Variants in PARD3 observed in about 807,000 individuals in gnomAD.
PARD3 encodes partitioning defective 3 homolog.
PARD3 carries 75 observed loss-of-function variants against 155.4 expected under a neutral mutation model. The ratio of observed to expected loss-of-function variants is 0.48; its 90% confidence interval spans 0.40 to 0.58. The LOEUF (loss-of-function observed/expected upper bound fraction) is 0.58. Among genes scored for constraint, PARD3 ranks in the 20% least tolerant of loss-of-function variants. The pLI is 0.00. For synonymous variants in PARD3, 576 were observed against 610.5 expected, an observed-to-expected ratio of 0.94 and a Z score of 0.83; for missense variants, 1,642 against 1,721.7, an observed-to-expected ratio of 0.95 and a Z score of 0.82.
rs575274071 is a variant in PARD3 at position 34,698,261 on chromosome 10, C to A, written c.121-1842G>T. The stretch of plus-strand genomic sequence containing the variant: ...CCTTTATATAATATTTGTAGCCACC[C>A]CTTGGAAATAAATCCGCACCTATGG... On this transcript the variant is annotated intron_variant, in intron 1 of 24. Transcript: ENST00000374788. Among the ~76,000 whole-genome samples the A allele has an allele frequency of 3.3e-5, 5 of 152,308 alleles. No homozygotes were observed. In the South Asian group the frequency reaches 6.2e-4, roughly 19 times the overall value.
intron 2 of PARD3, among the ~76,000 whole-genome samples, chr10:34,634,311 TAC>T (rs1430042825): frequency 5.9e-5 from 9 of 152,152 alleles, no homozygotes; most frequent in African/African-American, 2.2e-4. Flanking sequence ...GGCAGAACAG[TAC>T]GTATAGCGGG....
At chr10:34,645,339 G>A (rs2092805818) in intron 2 of PARD3, among the ~76,000 whole-genome samples, 2 of 151,868 alleles carry the variant, frequency 1.3e-5, no homozygotes, top group South Asian at 4.2e-4. Flanking sequence ...CCCAGTAGCT[G>A]GAATTACAGG....
chr10:34,376,259 C>T (rs1036570301), intron 10 of PARD3, among the ~76,000 whole-genome samples: 6 of 152,038 alleles, frequency 3.9e-5, no homozygotes, highest in Non-Finnish European at 8.8e-5. Flanking sequence ...AAGCCTAACT[C>T]GAAAGACATG....
intron 2 of PARD3, among the ~76,000 whole-genome samples, chr10:34,638,698 G>A (rs1296266984): frequency 1.3e-5 from 2 of 152,032 alleles, no homozygotes; most frequent in African/African-American, 4.8e-5. Context: ...CCATTTCTGG[G>A]TATTTTGAAA....
rs182547062 is a variant in PARD3 at position 34,379,760 on chromosome 10, C to T, written c.1400-1654G>A. On this transcript the variant is annotated intron_variant, in intron 9 of 24. Transcript: ENST00000374788. ...ACTGAAACAGATTACTGACCTTCTCCTCTGACTTTATTAAAAAGCTAATTT... is the reference window on the plus strand; with the variant it reads ...ACTGAAACAGATTACTGACCTTCTCTTCTGACTTTATTAAAAAGCTAATTT... 2.6e-5 allele frequency among the ~76,000 whole-genome samples: 4 copies of T among 152,178 alleles called. No homozygotes were observed. The East Asian group carries it at 7.7e-4, about 29-fold the overall frequency.
At chr10:34,660,234 C>G (rs1290920731) in intron 2 of PARD3, among the ~76,000 whole-genome samples, 4 of 152,112 alleles carry the variant, frequency 2.6e-5, no homozygotes, top group African/African-American at 9.7e-5. Flanking sequence ...TCTCCCAACT[C>G]CAATTATTGG....
chr10:34,640,776 C>G (rs1303724305), intron 2 of PARD3, among the ~76,000 whole-genome samples: 1 of 128,628 alleles, frequency 7.8e-6, no homozygotes, highest in Non-Finnish European at 1.6e-5. Context: ...CCTATCCAAA[C>G]TTTAAATGCA....
intron 2 of PARD3, among the ~76,000 whole-genome samples, chr10:34,536,939 T>G (rs879887508): frequency 6.6e-6 from 1 of 152,186 alleles, no homozygotes; most frequent in Non-Finnish European, 1.5e-5. Context: ...AAAGAAAAAT[T>G]AGGGCTTCAG....
At chr10:34,458,147 G>A (rs2077433853) in intron 4 of PARD3, among the ~76,000 whole-genome samples, 1 of 151,928 alleles carries the variant, frequency 6.6e-6, no homozygotes, top group Non-Finnish European at 1.5e-5. Flanking sequence ...GTAAAATGTT[G>A]GCTTTAAAAT....
intron 1 of PARD3, among the ~76,000 whole-genome samples, chr10:34,711,744 T>C (rs980586918): frequency 6.6e-6 from 1 of 152,060 alleles, no homozygotes; most frequent in Non-Finnish European, 1.5e-5. Context: ...ACACAAGAGT[T>C]TCTAGGAGAA....
chr10:34,173,163 G>A (rs903022461), intron 22 of PARD3, among the ~76,000 whole-genome samples: 8 of 152,142 alleles, frequency 5.3e-5, no homozygotes, highest in African/African-American at 1.9e-4. Context: ...ATCTCTGTGC[G>A]GGTATCGGCT....
chr10:34,223,062 C>T (rs11009685), intron 22 of PARD3, among the ~76,000 whole-genome samples: 47,939 of 151,978 alleles, frequency 0.32, 9,885 homozygotes, highest in African/African-American at 0.58. Flanking sequence ...GTAAGTCCCA[C>T]AGTTGGAAGA....
At chr10:34,471,138 G>C (rs1325363682) in intron 3 of PARD3, among the ~76,000 whole-genome samples, 2 of 152,112 alleles carry the variant, frequency 1.3e-5, no homozygotes, top group Non-Finnish European at 2.9e-5. Context: ...TTATACTTAA[G>C]ACAGAAAATA....
intron 2 of PARD3, among the ~76,000 whole-genome samples, chr10:34,649,196 G>A (rs1338958978): frequency 6.6e-6 from 1 of 152,208 alleles, no homozygotes; most frequent in Non-Finnish European, 1.5e-5. Flanking sequence ...TGTAATCTCA[G>A]CACTTCGGGA....
intron 2 of PARD3, among the ~76,000 whole-genome samples, chr10:34,557,464 C>T (rs2085093874): frequency 6.6e-6 from 1 of 152,014 alleles, no homozygotes; most frequent in Non-Finnish European, 1.5e-5. Flanking sequence ...CAGAGAGAGT[C>T]CCATCCCTAC....
Position 34,423,215 on chromosome 10 carries a change from C to T in PARD3, c.715-21298G>A, listed in dbSNP as rs555771811. Among the ~76,000 whole-genome samples the T allele has an allele frequency of 3.9e-5, 6 of 152,104 alleles. No individual in the cohort carries two copies. In the East Asian group the frequency reaches 1.2e-3, roughly 29 times the overall value. ...GGACATTATGTTAAGTGAAATAGGC[C>T]AGGGACAGAAAGACAAATACTGTAT... On this transcript the variant is annotated intron_variant, in intron 5 of 24. Transcript: ENST00000374788.
intron 22 of PARD3, among the ~76,000 whole-genome samples, chr10:34,187,490 G>C (rs959261440): frequency 2.0e-5 from 3 of 152,224 alleles, no homozygotes; most frequent in African/African-American, 7.2e-5. Flanking sequence ...CTCTCACAGG[G>C]GGGAAAAATC....
intron 5 of PARD3, among the ~76,000 whole-genome samples, chr10:34,413,626 C>T (rs757051018): frequency 2.8e-4 from 42 of 152,154 alleles, no homozygotes; most frequent in Non-Finnish European, 4.3e-4. Context: ...TCTATCACCA[C>T]GCTGAGTTTC....
intron 22 of PARD3, among the ~76,000 whole-genome samples, chr10:34,187,693 T>C (rs763951307): frequency 2.6e-5 from 4 of 152,230 alleles, no homozygotes; most frequent in South Asian, 2.1e-4. Flanking sequence ...TACGGCTAAA[T>C]TGACTTACAT....
Sources: allele counts gnomAD v4.1 joint callset (sites outside exome capture counted in the v4.1 genomes callset), GRCh38; gene constraint gnomAD v4.1.1; transcripts MANE v1.5; gene names NCBI Gene and HGNC (gene_info 2026-07-23, HGNC 2026-07-21).